The following ADAMTS19 variants were observed in gnomAD, a reference collection of about 807,000 sequenced individuals.
ADAMTS19 encodes the protein A disintegrin and metalloproteinase with thrombospondin motifs 19.
A neutral mutation model predicts 153.3 loss-of-function variants in ADAMTS19; 93 were observed. The observed-to-expected ratio is 0.61, with a 90% CI of 0.51 to 0.72. The LOEUF (loss-of-function observed/expected upper bound fraction) is 0.72, where lower values mean the gene tolerates loss of function less well. Among genes scored for constraint, ADAMTS19 ranks in the 30% least tolerant of loss-of-function variants. The pLI, the probability that ADAMTS19 is intolerant of heterozygous loss-of-function variation, is 0.00. For synonymous variants in ADAMTS19, 600 were observed against 556.6 expected (o/e 1.08, Z -1.10); for missense variants, 1,482 against 1,552.1 (o/e 0.95, Z 0.76).
intron 6 of ADAMTS19, among the ~76,000 whole-genome samples, chr5:129,541,663 T>G (rs2126800046): frequency 6.6e-6 from 1 of 152,224 alleles, no homozygotes; most frequent in East Asian, 1.9e-4. Flanking sequence ...TGATATGTTT[T>G]ACCCACTTCT....
At chr5:129,581,396 T>G (rs1347776947) in intron 7 of ADAMTS19, among the ~76,000 whole-genome samples, 1 of 152,174 alleles carries the variant, frequency 6.6e-6, no homozygotes, top group Non-Finnish European at 1.5e-5. Flanking sequence ...CATCGGGGTA[T>G]TTATAGTATT....
chr5:129,556,265 T>C (rs918574457), intron 7 of ADAMTS19, among the ~76,000 whole-genome samples: 1 of 152,206 alleles, frequency 6.6e-6, no homozygotes, highest in East Asian at 1.9e-4. Context: ...CATTTTCCTT[T>C]TAAATCCCTG....
intron 16 of ADAMTS19, among the ~76,000 whole-genome samples, chr5:129,673,263 A>T (rs1292687550): frequency 6.6e-6 from 1 of 152,022 alleles, no homozygotes; most frequent in Non-Finnish European, 1.5e-5. Flanking sequence ...AGAAACTTAG[A>T]TCATGAACTT....
rs142849982 is a variant in ADAMTS19, at chr5:129,537,369, G to A, written c.1328+8692G>A. ...CAACCATTGTGGAAGTCGGTGTTGC[G>A]ATTCCTCAGGGATCTAGAACTACAA... On this transcript the variant is annotated intron_variant, in intron 6 of 22. Transcript: ENST00000274487. 1.2e-3 allele frequency among the ~76,000 whole-genome samples: 182 copies of A among 152,218 alleles called. 1 individual carries two copies. The East Asian group carries it at 0.019, about 16-fold the overall frequency.
chr5:129,529,296 A>G (rs1413940760), intron 6 of ADAMTS19, among the ~76,000 whole-genome samples: 1 of 152,196 alleles, frequency 6.6e-6, no homozygotes, highest in African/African-American at 2.4e-5. Flanking sequence ...ATTGTGAACT[A>G]GCAATTTAAT....
At chr5:129,529,357 CAT>C (rs1044699789) in intron 6 of ADAMTS19, among the ~76,000 whole-genome samples, 7 of 152,086 alleles carry the variant, frequency 4.6e-5, no homozygotes, top group African/African-American at 1.4e-4. Flanking sequence ...GTAAATTACA[CAT>C]GATTTTCTGA....
intron 11 of ADAMTS19, among the ~76,000 whole-genome samples, chr5:129,643,382 A>G (rs76019322): frequency 2.5e-4 from 35 of 142,764 alleles, no homozygotes; most frequent in Admixed American, 3.6e-4. Flanking sequence ...AAAAAAAAAA[A>G]AAAAGAAAAA....
At position 129,512,396 on chromosome 5, in the gene ADAMTS19, C is replaced by T. The variant is rs563591573; in HGVS notation, c.913+3154C>T. ...CATTTCTTCTCTGACTGGAAGTGTACGGTATCAACTGTGTTGTTTTTATAC... is the reference window on the plus strand; with the variant it reads ...CATTTCTTCTCTGACTGGAAGTGTATGGTATCAACTGTGTTGTTTTTATAC... On this transcript the variant is annotated intron_variant, in intron 3 of 22. Transcript: ENST00000274487. 1.5e-4 allele frequency among the ~76,000 whole-genome samples: 23 copies of T among 152,118 alleles called. No individual in the cohort carries two copies. In the South Asian group the frequency reaches 1.7e-3, roughly 11 times the overall value.
At chr5:129,466,874 A>G (rs1214178472) in intron 2 of ADAMTS19, among the ~76,000 whole-genome samples, 1 of 152,212 alleles carries the variant, frequency 6.6e-6, no homozygotes, top group East Asian at 1.9e-4. Context: ...AGCAATTTTC[A>G]ACACAGGTTT....
At chr5:129,693,968 C>T (rs148417414) in intron 18 of ADAMTS19, among the ~76,000 whole-genome samples, 1 of 152,214 alleles carries the variant, frequency 6.6e-6, no homozygotes, top group Non-Finnish European at 1.5e-5. Context: ...CTTTCCATAA[C>T]TTATTATAAA....
In ADAMTS19 at chr5:129,498,877, G is replaced by A. The variant is rs567256541; in HGVS notation, c.748-10200G>A. On this transcript the variant is annotated intron_variant, in intron 2 of 22. Transcript: ENST00000274487. ...TAGAATTTCTTAAGTGTATTTTTCT[G>A]AATACCTGATTTTTGTCTGTCCTTC... Among the ~76,000 whole-genome samples the A allele has an allele frequency of 1.6e-4, 22 of 140,344 alleles. No homozygotes were observed. The South Asian group carries it at 4.9e-3, about 31-fold the overall frequency. 92.1% of individuals were successfully genotyped at this position (140,344 alleles called of 152,430 possible).
chr5:129,463,379 G>T (rs1025449547), intron 2 of ADAMTS19, among the ~76,000 whole-genome samples: 1 of 152,080 alleles, frequency 6.6e-6, no homozygotes, highest in African/African-American at 2.4e-5. Flanking sequence ...GTGTACCCTA[G>T]AACTTAAAGT....
chr5:129,726,669 A>G (rs905478164), intron 21 of ADAMTS19, among the ~76,000 whole-genome samples: 3 of 152,132 alleles, frequency 2.0e-5, no homozygotes, highest in South Asian at 2.1e-4. Flanking sequence ...GAATAAAACT[A>G]TATAGTGCAT....
chr5:129,468,708 G>A (rs1397061775), intron 2 of ADAMTS19, among the ~76,000 whole-genome samples: 1 of 151,978 alleles, frequency 6.6e-6, no homozygotes, highest in Non-Finnish European at 1.5e-5. Flanking sequence ...GTTATGGTGA[G>A]GTTGAGTGTC....
chr5:129,641,729 A>C, intron 10 of ADAMTS19, 130 bp from the exon 11 acceptor site: 1 of 485,288 alleles, frequency 2.1e-6, no homozygotes. Flanking sequence ...TAATATTTTA[A>C]TTACCTAAAG....
intron 21 of ADAMTS19, among the ~76,000 whole-genome samples, chr5:129,731,105 T>G (rs943831054): frequency 6.6e-6 from 1 of 152,030 alleles, no homozygotes; most frequent in African/African-American, 2.4e-5. Flanking sequence ...ATTACAGGCC[T>G]GCACCACCAC....
intron 13 of ADAMTS19, among the ~76,000 whole-genome samples, chr5:129,650,272 G>A (rs1343874885): frequency 6.6e-6 from 1 of 152,108 alleles, no homozygotes; most frequent in Non-Finnish European, 1.5e-5. Flanking sequence ...GATTTCATTG[G>A]TTATGATGCC....
At chr5:129,718,213 C>T (rs1486037923) in intron 21 of ADAMTS19, among the ~76,000 whole-genome samples, 1 of 152,120 alleles carries the variant, frequency 6.6e-6, no homozygotes, top group African/African-American at 2.4e-5. Flanking sequence ...ACAGTCCTTT[C>T]ACAACATATT....
Position 129,635,634 on chromosome 5 carries a change from A to G in ADAMTS19, c.1771-6225A>G, listed in dbSNP as rs373811484. ...GGATGGAAGTGGAGCCATTATTATT[A>G]GCAAACTAATGCAGGAACAGAAAAC... On this transcript the variant is annotated intron_variant, in intron 10 of 22. Coordinates refer to ENST00000274487, the MANE Select transcript of ADAMTS19 (RefSeq NM_133638.6). Among the ~76,000 whole-genome samples, 7 of 152,342 alleles carry G rather than the reference A, an allele frequency of 4.6e-5. No individual in the cohort carries two copies. In the South Asian group the frequency reaches 1.4e-3, roughly 32 times the overall value.
Sources: allele counts gnomAD v4.1 joint callset (sites outside exome capture counted in the v4.1 genomes callset), GRCh38; gene constraint gnomAD v4.1.1; transcripts MANE v1.5; gene names NCBI Gene and HGNC (gene_info 2026-07-23, HGNC 2026-07-21).